CDH12: variants seen among roughly 807,000 people sequenced by gnomAD.
The protein encoded by CDH12 is cadherin-12.
In CDH12, 41 loss-of-function variants were observed where a neutral mutation model predicts 74.1. That is an observed-to-expected ratio of 0.55 (90% CI 0.43 to 0.72). CDH12 has a LOEUF of 0.72. Ranked by LOEUF, CDH12 falls within the 30% of genes least tolerant of loss-of-function variation. The pLI, the probability that CDH12 is intolerant of heterozygous loss-of-function variation, is 0.00. For synonymous variants in CDH12, 399 were observed against 355.0 expected, an observed-to-expected ratio of 1.12 and a Z score of -1.39; for missense variants, 945 against 977.2, an observed-to-expected ratio of 0.97 and a Z score of 0.44.
intron 1 of CDH12, among the ~76,000 whole-genome samples, chr5:22,623,221 T>C (rs1738075531): frequency 6.6e-6 from 1 of 152,164 alleles, no homozygotes; most frequent in Non-Finnish European, 1.5e-5. Context: ...TCATACTGAA[T>C]GGGCAAAAAC....
chr5:22,817,232 A>T (rs2126464637), intron 1 of CDH12, among the ~76,000 whole-genome samples: 1 of 152,142 alleles, frequency 6.6e-6, no homozygotes, highest in East Asian at 1.9e-4. Context: ...TTTAGTCATT[A>T]AGATATACAA....
rs750158077 is a variant in CDH12 at position 22,185,185 on chromosome 5, T to TTC, written c.-187+27311_-187+27312dup. 1.8e-3 allele frequency among the ~76,000 whole-genome samples: 269 copies of TTC among 147,788 alleles called. 3 individuals are homozygous for TTC. The highest frequency in any genetic ancestry group is 4.5e-3 in the South Asian group (21 of 4,658). On this transcript the variant is annotated intron_variant, in intron 4 of 14. Transcript: ENST00000382254. ...TCTGCAGAAAGAAACAGAGTCCTCC[T>TTC]TCTCTCTCTCTCTCTTTTTTTTTTT...
At chr5:22,178,572 T>C (rs1257178314) in intron 4 of CDH12, among the ~76,000 whole-genome samples, 3 of 152,184 alleles carry the variant, frequency 2.0e-5, no homozygotes, top group African/African-American at 7.2e-5. Flanking sequence ...AATTGCTAGA[T>C]AAATGCTGTT....
intron 5 of CDH12, among the ~76,000 whole-genome samples, chr5:21,987,456 C>T (rs1403144050): frequency 6.6e-6 from 1 of 152,160 alleles, no homozygotes; most frequent in Non-Finnish European, 1.5e-5. Flanking sequence ...CAGCTTCTTT[C>T]TCAAGAGAGA....
At chr5:21,942,347 TACACACACACACACACACACACACAC>T (rs70957081) in intron 6 of CDH12, among the ~76,000 whole-genome samples, 1 of 129,666 alleles carries the variant, frequency 7.7e-6, no homozygotes, top group African/African-American at 3.2e-5. Context: ...TATATATATA[TACACACACACACACACACACACACAC>T]ACACACACAC....
chr5:22,384,541 G>GA (rs758746627), intron 3 of CDH12, among the ~76,000 whole-genome samples: 8 of 124,820 alleles, frequency 6.4e-5, no homozygotes, highest in East Asian at 2.4e-4. Context: ...AAAAAAAAAA[G>GA]AAAAAGAAAA....
intron 1 of CDH12, among the ~76,000 whole-genome samples, chr5:22,669,166 T>C (rs1740777872): frequency 6.6e-6 from 1 of 152,186 alleles, no homozygotes; most frequent in African/African-American, 2.4e-5. Context: ...TACTTTCTCC[T>C]TAAACAGATC....
chr5:21,958,552 TC>T (rs1346982961), intron 6 of CDH12, among the ~76,000 whole-genome samples: 1 of 152,170 alleles, frequency 6.6e-6, no homozygotes, highest in Non-Finnish European at 1.5e-5. Context: ...GAAAAGACAG[TC>T]TTTTCCCCAT....
chr5:22,341,080 T>C (rs113843042), intron 3 of CDH12, among the ~76,000 whole-genome samples: 4,582 of 152,326 alleles, frequency 0.03, 115 homozygotes, highest in African/African-American at 0.069. Flanking sequence ...ATAGTCTATA[T>C]ACTTTTTAGA....
At chr5:22,079,809 A>C (rs568650110) in intron 4 of CDH12, among the ~76,000 whole-genome samples, 1 of 152,262 alleles carries the variant, frequency 6.6e-6, no homozygotes, top group East Asian at 1.9e-4. Context: ...TATGTGGTAG[A>C]TAAAAAAACA....
intron 2 of CDH12, among the ~76,000 whole-genome samples, chr5:22,456,140 G>A (rs1745262580): frequency 1.4e-5 from 2 of 147,604 alleles, no homozygotes; most frequent in African/African-American, 2.5e-5. Context: ...TATATAAAAC[G>A]ATCTCAAAAA....
chr5:22,492,733 G>A (rs529259784), intron 2 of CDH12, among the ~76,000 whole-genome samples: 1 of 152,148 alleles, frequency 6.6e-6, no homozygotes, highest in Middle Eastern at 3.4e-3. Context: ...GCAGAATATT[G>A]CTCACTCTTT....
chr5:22,271,244 G>A (rs1323466643), intron 3 of CDH12, among the ~76,000 whole-genome samples: 1 of 152,146 alleles, frequency 6.6e-6, no homozygotes, highest in Non-Finnish European at 1.5e-5. Flanking sequence ...TTCACCAGGA[G>A]TAGATTCTAG....
At chr5:22,353,737 T>A (rs1561337625) in intron 3 of CDH12, among the ~76,000 whole-genome samples, 1 of 152,122 alleles carries the variant, frequency 6.6e-6, no homozygotes, top group African/African-American at 2.4e-5. Flanking sequence ...GTATTTGGTC[T>A]TTTTTCTTCA....
At chr5:21,803,328 A>G (rs1450419354) in intron 9 of CDH12, among the ~76,000 whole-genome samples, 1 of 152,116 alleles carries the variant, frequency 6.6e-6, no homozygotes, top group Non-Finnish European at 1.5e-5. Flanking sequence ...ACTAATTTAA[A>G]AAGAATTTTT....
At chr5:21,799,103 C>G (rs926067409) in intron 10 of CDH12, among the ~76,000 whole-genome samples, 1 of 152,070 alleles carries the variant, frequency 6.6e-6, no homozygotes, top group African/African-American at 2.4e-5. Context: ...GATATATGGA[C>G]AGTAAAAGCC....
At chr5:22,398,661 T>C (rs182203975) in intron 3 of CDH12, among the ~76,000 whole-genome samples, 1 of 152,218 alleles carries the variant, frequency 6.6e-6, no homozygotes, top group Non-Finnish European at 1.5e-5. Flanking sequence ...AGATATGAAG[T>C]CTTTTGTCTC....
intron 1 of CDH12, among the ~76,000 whole-genome samples, chr5:22,655,419 C>T (rs1739982116): frequency 6.6e-6 from 1 of 152,154 alleles, no homozygotes; most frequent in Non-Finnish European, 1.5e-5. Flanking sequence ...GCATAGCACT[C>T]AAAATATTCA....
intron 5 of CDH12, among the ~76,000 whole-genome samples, chr5:22,077,191 A>C (rs1197246344): frequency 6.6e-6 from 1 of 152,002 alleles, no homozygotes; most frequent in Non-Finnish European, 1.5e-5. Context: ...TGCAAAAATC[A>C]TTTGCCTGGG....
Sources: allele counts gnomAD v4.1 joint callset (sites outside exome capture counted in the v4.1 genomes callset), GRCh38; gene constraint gnomAD v4.1.1; transcripts MANE v1.5; gene names NCBI Gene and HGNC (gene_info 2026-07-23, HGNC 2026-07-21).